Variants in AAK1 observed in about 807,000 individuals in gnomAD.
The protein encoded by AAK1 is AP2 associated kinase 1, also known as AP2-associated protein kinase 1.
In AAK1, 37 loss-of-function variants were observed where a neutral mutation model predicts 116.0. The observed-to-expected ratio is 0.32, with a 90% CI of 0.25 to 0.42. AAK1 has a LOEUF of 0.42. AAK1 is among the 10% of genes least tolerant of loss of function. The pLI is 1.00. For missense variants in AAK1, 919 were observed against 1,170.6 expected, an observed-to-expected ratio of 0.79 and a Z score of 3.14; for synonymous variants, 458 against 439.9, an observed-to-expected ratio of 1.04 and a Z score of -0.51.
intron 3 of AAK1, among the ~76,000 whole-genome samples, chr2:69,548,484 TTTTC>T (rs1436879066): frequency 4.6e-5 from 7 of 152,132 alleles, no homozygotes; most frequent in African/African-American, 9.6e-5. Context: ...TTTCCTTTCT[TTTTC>T]TTTCTCTCTC....
chr2:69,532,267 C>T (rs1470446286), intron 5 of AAK1, 105 bp from the exon 6 acceptor site: 3 of 1,371,650 alleles, frequency 2.2e-6, no homozygotes, highest in Non-Finnish European at 3.0e-6. Flanking sequence ...CTGGCAGTCT[C>T]ATTAATGTGC....
rs1015955536 is a variant in AAK1, at chr2:69,471,052, G to A, written c.*4817C>T. On this transcript the variant is annotated 3_prime_UTR_variant, in exon 22 of 22. Coordinates refer to ENST00000409085, the MANE Select transcript of AAK1 (RefSeq NM_014911.5). Reference sequence around the variant, plus strand: ...TTTTTACTGCATAAGATATCTTCATGTACAACTGTATGCTTTGTCTTCTTG... The same window carrying A: ...TTTTTACTGCATAAGATATCTTCATATACAACTGTATGCTTTGTCTTCTTG... 2.0e-6 allele frequency: 2 copies of A among 985,586 alleles called. No individual in the cohort carries two copies. Among genetic ancestry groups the A allele is most frequent in the Non-Finnish European group, 2.4e-6 (2 of 829,908 alleles). 61.1% of individuals were successfully genotyped at this position (985,586 alleles called of 1,614,324 possible).
In AAK1 at chr2:69,472,478, A is replaced by G; in HGVS notation, c.*3391T>C. On this transcript the variant is annotated 3_prime_UTR_variant, in exon 22 of 22. Transcript: ENST00000409085. ...CATTAGAATAAGTATTAACTTCTTA[A>G]GTAAAACTAGATGACATTGAGGGGA... 2.1e-6 allele frequency: 1 copy of G among 485,426 alleles called. No individual in the cohort carries two copies. The highest frequency in any genetic ancestry group is 2.7e-6 in the Non-Finnish European group (1 of 373,238). The allele number at this position is 485,426 out of a possible 1,614,324, so 30.1% of individuals were successfully genotyped here. A position where few individuals can be genotyped will look rare whatever the true frequency, so the allele number is the denominator to read the frequency against.
chr2:69,522,219 A>G (rs1367194113), intron 10 of AAK1, among the ~76,000 whole-genome samples: 4 of 152,214 alleles, frequency 2.6e-5, no homozygotes, highest in East Asian at 1.9e-4. Context: ...GCCAAAATTA[A>G]TAAGTTTCAA....
intron 18 of AAK1, 43 bp downstream of exon 18, chr2:69,482,668 C>T: frequency 6.8e-7 from 1 of 1,478,000 alleles, no homozygotes; most frequent in South Asian, 1.1e-5. Context: ...GAAACAGGCA[C>T]ACATATCATG....
At chr2:69,488,179 T>TGTGTGTGTGTGTGTGTG (rs1572887799) in intron 17 of AAK1, among the ~76,000 whole-genome samples, 7 of 151,352 alleles carry the variant, frequency 4.6e-5, no homozygotes, top group African/African-American at 1.7e-4. Context: ...TGTGTGTGTG[T>TGTGTGTGTGTGTGTGTG]TTGAGGGAGG....
rs1312281943 is a variant in AAK1, at chr2:69,465,295, T to A, written c.*10574A>T. 1 of 849,792 alleles carries A rather than the reference T, an allele frequency of 1.2e-6. No individual in the cohort carries two copies. Among genetic ancestry groups the A allele is most frequent in the African/African-American group, 1.8e-5 (1 of 55,632 alleles). The allele number at this position is 849,792 out of a possible 1,614,324, so 52.6% of individuals were successfully genotyped here. ...AACTGAGTTTGTTGACTCAAGAAAT[T>A]CTGCTCTGACGCAGGGAATTGAAAT... is the stretch of plus-strand genomic sequence containing the variant. On this transcript the variant is annotated 3_prime_UTR_variant, in exon 22 of 22. Transcript: ENST00000409085.
At position 69,471,689 on chromosome 2, in the gene AAK1, G is replaced by C. The variant is rs1674687257; in HGVS notation, c.*4180C>G. 4.1e-6 allele frequency: 4 copies of C among 985,372 alleles called. No individual in the cohort carries two copies. In the South Asian group the frequency reaches 1.9e-4, roughly 46 times the overall value. The allele number at this position is 985,372 out of a possible 1,614,324, so 61.0% of individuals were successfully genotyped here. Reference sequence around the variant, plus strand: ...ATCACAGAAAAACCTTATCAAGAGAGACTTTATTTTGGCCCAAGGTATCTA... The same window carrying C: ...ATCACAGAAAAACCTTATCAAGAGACACTTTATTTTGGCCCAAGGTATCTA... On this transcript the variant is annotated 3_prime_UTR_variant, in exon 22 of 22. Coordinates refer to ENST00000409085, the MANE Select transcript of AAK1 (RefSeq NM_014911.5).
chr2:69,584,841 C>T (rs1408111154), intron 2 of AAK1, among the ~76,000 whole-genome samples: 2 of 152,198 alleles, frequency 1.3e-5, no homozygotes, highest in Non-Finnish European at 2.9e-5. Flanking sequence ...AGCCTTCCAC[C>T]TCACTTCCAG....
intron 2 of AAK1, among the ~76,000 whole-genome samples, chr2:69,624,960 ATAAGT>A (rs1674829370): frequency 6.6e-6 from 1 of 152,360 alleles, no homozygotes; most frequent in Non-Finnish European, 1.5e-5. Flanking sequence ...GAAAACAGAA[ATAAGT>A]TAAGTCCCTG....
rs35703707 is a variant in AAK1, at chr2:69,524,573, T to G, written c.1055+460A>C. Among the ~76,000 whole-genome samples, 803 of 150,890 alleles carry G rather than the reference T, an allele frequency of 5.3e-3. 2 individuals carry two copies. Among genetic ancestry groups the G allele is most frequent in the Non-Finnish European group, 9.2e-3 (625 of 67,782 alleles). ...CCTCAGCCTCCCAAGCAGCTGGGAC[T>G]ACAGGTGTGTGCCACCATACCCAGC... On this transcript the variant is annotated intron_variant, in intron 10 of 21. Coordinates refer to ENST00000409085, the MANE Select transcript of AAK1 (RefSeq NM_014911.5).
At chr2:69,617,998 C>T (rs146323119) in intron 2 of AAK1, among the ~76,000 whole-genome samples, 61 of 152,224 alleles carry the variant, frequency 4.0e-4, no homozygotes, top group African/African-American at 1.4e-3. Flanking sequence ...TGAAGGGCTT[C>T]ACTAAGAATT....
Position 69,471,472 on chromosome 2 carries a change from A to G in AAK1, c.*4397T>C. The G allele has an allele frequency of 1.0e-6, 1 of 985,476 alleles. No homozygotes were observed. Among genetic ancestry groups the G allele is most frequent in the Non-Finnish European group, 1.2e-6 (1 of 829,938 alleles). 61.0% of individuals were successfully genotyped at this position (985,476 alleles called of 1,614,324 possible). Reference sequence around the variant, plus strand: ...TAGAGAGGAATAAAGATAGCTTTGCAGTATCTGGAGTGTTTCAGGAAAGCT... The same window carrying G: ...TAGAGAGGAATAAAGATAGCTTTGCGGTATCTGGAGTGTTTCAGGAAAGCT... On this transcript the variant is annotated 3_prime_UTR_variant, in exon 22 of 22. Coordinates refer to ENST00000409085, the MANE Select transcript of AAK1 (RefSeq NM_014911.5).
chr2:69,529,103 T>C (rs1298358013), intron 8 of AAK1, among the ~76,000 whole-genome samples: 1 of 152,240 alleles, frequency 6.6e-6, no homozygotes, highest in Non-Finnish European at 1.5e-5. Flanking sequence ...CTACATTTTC[T>C]CAGTTTCAGT....
At chr2:69,528,567 A>G (rs1670115702) in intron 8 of AAK1, among the ~76,000 whole-genome samples, 1 of 152,242 alleles carries the variant, frequency 6.6e-6, no homozygotes, top group Non-Finnish European at 1.5e-5. Flanking sequence ...CTGGATCCAA[A>G]GAAATCTTAA....
At chr2:69,507,854 A>G (rs976654832) in intron 14 of AAK1, among the ~76,000 whole-genome samples, 1 of 151,936 alleles carries the variant, frequency 6.6e-6, no homozygotes, top group Non-Finnish European at 1.5e-5. Flanking sequence ...TTACAGGCGC[A>G]TGCCACCACG....
chr2:69,467,520 G>A lies in AAK1; in HGVS notation c.*8349C>T. On this transcript the variant is annotated 3_prime_UTR_variant, in exon 22 of 22. Transcript: ENST00000409085. ...TAAGCAAGAAGAATCCAGAGAAAGG[G>A]TGGTTGGGGGTAAAGGTATCATTTC... The A allele has an allele frequency of 3.0e-6, 3 of 985,420 alleles. No homozygotes were observed. The highest frequency in any genetic ancestry group is 3.6e-6 in the Non-Finnish European group (3 of 829,938). The allele number at this position is 985,420 out of a possible 1,614,324, so 61.0% of individuals were successfully genotyped here. A position where few individuals can be genotyped will look rare whatever the true frequency, so the allele number is the denominator to read the frequency against.
chr2:69,524,600 A>G (rs1383250455), intron 10 of AAK1, among the ~76,000 whole-genome samples: 4 of 66,188 alleles, frequency 6.0e-5, no homozygotes, highest in Admixed American at 1.8e-4. Context: ...ATACCCAGCT[A>G]ATTTTTGTAT....
At chr2:69,564,296 T>C (rs116589521) in intron 2 of AAK1, among the ~76,000 whole-genome samples, 14 of 152,250 alleles carry the variant, frequency 9.2e-5, no homozygotes, top group African/African-American at 2.9e-4. Flanking sequence ...AGAAGGTACT[T>C]CAGTGGCTGC....
Sources: gnomAD v4.1 joint callset for allele counts (sites outside exome capture counted in the v4.1 genomes callset) on GRCh38, gnomAD v4.1.1 for gene constraint, MANE v1.5 for transcripts, NCBI Gene and HGNC (gene_info 2026-07-23, HGNC 2026-07-21) for gene names.